Variants in CDK14 observed in about 807,000 individuals in gnomAD.
The protein encoded by CDK14 is cyclin-dependent kinase 14.
In CDK14, 34 loss-of-function variants were observed where a neutral mutation model predicts 60.7. The observed-to-expected ratio is 0.56, with a 90% CI of 0.43 to 0.75. The LOEUF (loss-of-function observed/expected upper bound fraction) is 0.75. CDK14 is among the 30% of genes least tolerant of loss of function. CDK14 has a pLI of 0.00. For synonymous variants in CDK14, 197 were observed against 203.7 expected (o/e 0.97, Z 0.28); for missense variants, 482 against 564.1 (o/e 0.85, Z 1.47).
At chr7:90,695,295 T>A (rs17690710) in intron 2 of CDK14, among the ~76,000 whole-genome samples, 2,335 of 152,286 alleles carry the variant, frequency 0.015, 21 homozygotes, top group Middle Eastern at 0.027. Context: ...CATTATGAGG[T>A]CCTAAAAATA....
chr7:90,938,740 G>T (rs1438962831), intron 8 of CDK14, among the ~76,000 whole-genome samples: 2 of 152,096 alleles, frequency 1.3e-5, no homozygotes, highest in Admixed American at 6.6e-5. Context: ...ACAAAACAAG[G>T]TTTACAGAAA....
intron 10 of CDK14, among the ~76,000 whole-genome samples, chr7:91,025,760 G>T (rs1388885483): frequency 6.6e-6 from 1 of 152,186 alleles, no homozygotes; most frequent in Non-Finnish European, 1.5e-5. Flanking sequence ...CTCTAGAGCA[G>T]TATGGGAAAA....
At chr7:90,679,895 C>T (rs1267818340) in intron 2 of CDK14, among the ~76,000 whole-genome samples, 1 of 152,124 alleles carries the variant, frequency 6.6e-6, no homozygotes, top group Admixed American at 6.5e-5. Flanking sequence ...TGTCTCAGAG[C>T]ATGGAGGATG....
At chr7:91,068,681 G>A (rs1011438426) in intron 11 of CDK14, among the ~76,000 whole-genome samples, 5 of 151,674 alleles carry the variant, frequency 3.3e-5, no homozygotes, top group African/African-American at 7.3e-5. Flanking sequence ...GCATTCACTC[G>A]GTTCCCATAG....
intron 14 of CDK14, among the ~76,000 whole-genome samples, chr7:91,193,399 A>G (rs1307744547): frequency 6.6e-6 from 1 of 152,196 alleles, no homozygotes; most frequent in African/African-American, 2.4e-5. Flanking sequence ...GTTAAGAATT[A>G]TCACAATCTG....
At chr7:90,882,165 C>T (rs929260096) in intron 6 of CDK14, among the ~76,000 whole-genome samples, 7 of 150,278 alleles carry the variant, frequency 4.7e-5, no homozygotes, top group African/African-American at 1.7e-4. Context: ...AATCAAGATC[C>T]ATCAGTGTGC....
At chr7:90,929,334 T>C (rs1237871141) in intron 8 of CDK14, among the ~76,000 whole-genome samples, 1 of 152,218 alleles carries the variant, frequency 6.6e-6, no homozygotes, top group Non-Finnish European at 1.5e-5. Context: ...TATTCGGCCA[T>C]CTTGGAACCT....
At chr7:90,600,603 C>CACACACAAGGT (rs1799294972) in intron 1 of CDK14, among the ~76,000 whole-genome samples, 1 of 152,172 alleles carries the variant, frequency 6.6e-6, no homozygotes, top group Non-Finnish European at 1.5e-5. Context: ...TGTGCTGTAA[C>CACACACAAGGT]TGTGTAATTC....
intron 14 of CDK14, among the ~76,000 whole-genome samples, chr7:91,123,363 A>T (rs887258990): frequency 6.6e-6 from 1 of 151,920 alleles, no homozygotes; most frequent in African/African-American, 2.4e-5. Context: ...TATTTCTGTT[A>T]TCTCATGTAA....
chr7:91,152,815 T>A (rs763369833), intron 14 of CDK14, among the ~76,000 whole-genome samples: 6 of 152,144 alleles, frequency 3.9e-5, no homozygotes, highest in African/African-American at 1.4e-4. Context: ...CTCTAGCACA[T>A]AAATGTGGGA....
intron 11 of CDK14, among the ~76,000 whole-genome samples, chr7:91,046,922 A>G (rs1375601380): frequency 6.6e-6 from 1 of 152,122 alleles, no homozygotes; most frequent in African/African-American, 2.4e-5. Context: ...GAGTTGGGAA[A>G]CTATTTTTAC....
intron 4 of CDK14, among the ~76,000 whole-genome samples, chr7:90,753,597 C>T (rs1402405555): frequency 2.6e-5 from 4 of 152,098 alleles, no homozygotes; most frequent in African/African-American, 4.8e-5. Context: ...TACCCACTCT[C>T]GCCGCTCCTA....
Position 90,944,753 on chromosome 7 carries a change from C to A in CDK14, c.827-10944C>A. On this transcript the variant is annotated intron_variant, in intron 8 of 14. Coordinates refer to ENST00000380050, the MANE Select transcript of CDK14 (RefSeq NM_001287135.2). ...TCTCAAAAAAGGAAAAACATGTGGCCTTATTTTGGGAAAATTGGTCTGCCC... is the reference window on the plus strand; with the variant it reads ...TCTCAAAAAAGGAAAAACATGTGGCATTATTTTGGGAAAATTGGTCTGCCC... Among the ~76,000 whole-genome samples the A allele has an allele frequency of 1.3e-5, 2 of 152,106 alleles. 1 individual carries two copies.
At chr7:90,617,415 C>A (rs1387006249) in intron 2 of CDK14, among the ~76,000 whole-genome samples, 1 of 151,794 alleles carries the variant, frequency 6.6e-6, no homozygotes, top group South Asian at 2.1e-4. Context: ...AAAGTTCTTA[C>A]AAAGAAACAA....
chr7:90,821,783 C>T (rs1017628619), intron 5 of CDK14, among the ~76,000 whole-genome samples: 4 of 152,210 alleles, frequency 2.6e-5, no homozygotes, highest in Non-Finnish European at 4.4e-5. Context: ...CCATCATTAT[C>T]TGACCCCACC....
At chr7:90,615,279 C>G (rs1799628382) in intron 2 of CDK14, among the ~76,000 whole-genome samples, 1 of 152,210 alleles carries the variant, frequency 6.6e-6, no homozygotes, top group Admixed American at 6.5e-5. Flanking sequence ...TCCAATCTTG[C>G]AAGTTACAAT....
At chr7:90,767,386 G>A (rs1282975926) in intron 4 of CDK14, among the ~76,000 whole-genome samples, 1 of 152,026 alleles carries the variant, frequency 6.6e-6, no homozygotes, top group African/African-American at 2.4e-5. Flanking sequence ...CTGTATCCAT[G>A]CTGTTTTTTC....
intron 7 of CDK14, among the ~76,000 whole-genome samples, chr7:90,917,295 C>T (rs1343050012): frequency 6.6e-6 from 1 of 151,960 alleles, no homozygotes; most frequent in African/African-American, 2.4e-5. Context: ...AAGACTAAAT[C>T]AATTATAAAA....
intron 5 of CDK14, among the ~76,000 whole-genome samples, chr7:90,808,568 A>C (rs1452467401): frequency 6.6e-6 from 1 of 152,214 alleles, no homozygotes; most frequent in Non-Finnish European, 1.5e-5. Context: ...CTAACGAGCA[A>C]AATAACCAGC....
Sources: allele counts gnomAD v4.1 joint callset (sites outside exome capture counted in the v4.1 genomes callset), GRCh38; gene constraint gnomAD v4.1.1; transcripts MANE v1.5; gene names NCBI Gene and HGNC (gene_info 2026-07-23, HGNC 2026-07-21).